Variants in PANK1 observed in about 807,000 individuals in gnomAD.
PANK1 encodes pantothenate kinase 1.
PANK1 carries 18 observed loss-of-function variants against 40.1 expected under a neutral mutation model. That is an observed-to-expected ratio of 0.45 (90% confidence interval 0.31 to 0.67). PANK1 has a LOEUF of 0.67. Among genes scored for constraint, PANK1 ranks in the 30% least tolerant of loss-of-function variants. The probability of loss-of-function intolerance (pLI) is 0.06; values close to 1 mark genes in which losing one functional copy is unlikely to be tolerated. For synonymous variants in PANK1, 242 were observed against 237.7 expected (o/e 1.02, Z -0.17); for missense variants, 457 against 599.6 (o/e 0.76, Z 2.48).
At chr10:89,609,185 C>T (rs1456489140) in intron 2 of PANK1, among the ~76,000 whole-genome samples, 1 of 152,218 alleles carries the variant, frequency 6.6e-6, no homozygotes, top group Non-Finnish European at 1.5e-5. Context: ...GTGCCTCAGC[C>T]TCCTGAGTAG....
At chr10:89,629,648 A>G (rs1460137881) in intron 1 of PANK1, among the ~76,000 whole-genome samples, 1 of 152,246 alleles carries the variant, frequency 6.6e-6, no homozygotes, top group Non-Finnish European at 1.5e-5. Flanking sequence ...TTAATTAATG[A>G]GAACAGTGAT....
At chr10:89,639,090 C>A in intron 1 of PANK1, 1 of 337,244 alleles carries the variant, frequency 3.0e-6, no homozygotes. Flanking sequence ...GTTTGTGTTG[C>A]TATAATAGAA....
intron 1 of PANK1, among the ~76,000 whole-genome samples, chr10:89,622,103 A>G (rs7913346): frequency 0.69 from 104,376 of 152,126 alleles, 35,996 homozygotes; most frequent in South Asian, 0.84. Flanking sequence ...AATCATATGC[A>G]AAGACCTCCA....
rs1554843177 is a variant in PANK1, at chr10:89,636,343, T to TTATTATTATTA, written c.292+8256_292+8257insTAATAATAATA. Among the ~76,000 whole-genome samples, 189 of 149,002 alleles carry TTATTATTATTA rather than the reference T, an allele frequency of 1.3e-3. 1 individual carries two copies. The highest frequency in any genetic ancestry group is 2.1e-3 in the African/African-American group (85 of 40,822). On this transcript the variant is annotated intron_variant, in intron 1 of 6. Transcript: ENST00000307534. ...TATTATTATTATTATTATTATTATT[T>TTATTATTATTA]TTAATTTTTATTTTTTTTGAGATGG...
chr10:89,617,639 T>G (rs1403631680), intron 1 of PANK1, among the ~76,000 whole-genome samples: 2 of 152,214 alleles, frequency 1.3e-5, no homozygotes, highest in Non-Finnish European at 2.9e-5. Flanking sequence ...AAGATACAGT[T>G]GACACTGTGG....
rs551117804 is a variant in PANK1, at chr10:89,629,894, A to G, written c.292+14706T>C. Among the ~76,000 whole-genome samples, 35 of 152,360 alleles carry G rather than the reference A, an allele frequency of 2.3e-4. No individual in the cohort carries two copies. The South Asian group carries it at 7.0e-3, about 31-fold the overall frequency. ...TGAAAAGATTTACTGAAAATGTTTC[A>G]GCTTCTTGCTGAATACTAAAAATAC... On this transcript the variant is annotated intron_variant, in intron 1 of 6. Coordinates refer to ENST00000307534, the MANE Select transcript of PANK1 (RefSeq NM_148977.3).
At chr10:89,591,246 C>CAA (rs149430971) in intron 5 of PANK1, among the ~76,000 whole-genome samples, 2 of 151,548 alleles carry the variant, frequency 1.3e-5, no homozygotes, top group African/African-American at 2.4e-5. Context: ...TAAAAACAAA[C>CAA]AAAAAAACCC....
chr10:89,623,338 T>C (rs1564632841), intron 1 of PANK1, among the ~76,000 whole-genome samples: 4 of 152,118 alleles, frequency 2.6e-5, no homozygotes, highest in East Asian at 1.9e-4. Context: ...TCTCCTGCCT[T>C]AGCCTCCCGA....
intron 1 of PANK1, among the ~76,000 whole-genome samples, chr10:89,634,466 G>C (rs1841746507): frequency 6.6e-6 from 1 of 152,192 alleles, no homozygotes; most frequent in South Asian, 2.1e-4. Context: ...CTGAAGGCAA[G>C]CACCTGGAAA....
intron 1 of PANK1, among the ~76,000 whole-genome samples, chr10:89,623,658 G>A (rs1208791698): frequency 1.3e-5 from 2 of 152,100 alleles, no homozygotes; most frequent in African/African-American, 4.8e-5. Flanking sequence ...ACAGATAGCA[G>A]GTCTGTGGTC....
At chr10:89,637,434 C>A (rs901452642) in intron 1 of PANK1, among the ~76,000 whole-genome samples, 12 of 152,200 alleles carry the variant, frequency 7.9e-5, no homozygotes, top group African/African-American at 2.9e-4. Flanking sequence ...ATATGGTAAA[C>A]CCTATTGTTC....
At chr10:89,643,437 AT>A (rs1161743965) in intron 1 of PANK1, among the ~76,000 whole-genome samples, 1 of 152,210 alleles carries the variant, frequency 6.6e-6, no homozygotes, top group East Asian at 1.9e-4. Flanking sequence ...TAACCTACAA[AT>A]TTAACATTTC....
In PANK1 at chr10:89,645,087, C is replaced by T. The variant is rs765130264; in HGVS notation, c.-196G>A. The T allele has an allele frequency of 2.0e-6, 3 of 1,501,294 alleles. No individual in the cohort carries two copies. Among genetic ancestry groups the T allele is most frequent in the South Asian group, 2.6e-5 (2 of 76,914 alleles). The allele number at this position is 1,501,294 out of a possible 1,614,324, so 93.0% of individuals were successfully genotyped here. ...CCCCCACCTCCTCTGCGCCCTGCCC[C>T]CCGCGCGCCGGCCCCACGGCGCCGG... On this transcript the variant is annotated 5_prime_UTR_variant, in exon 1 of 7. Coordinates refer to ENST00000307534, the MANE Select transcript of PANK1 (RefSeq NM_148977.3).
chr10:89,592,728 C>T, intron 5 of PANK1: 1 of 534,796 alleles, frequency 1.9e-6, no homozygotes, highest in Non-Finnish European at 3.8e-6. Context: ...CTCTGGCTGG[C>T]CTTGGCTGTA....
At chr10:89,615,433 T>C (rs1845289246) in intron 1 of PANK1, among the ~76,000 whole-genome samples, 1 of 152,254 alleles carries the variant, frequency 6.6e-6, no homozygotes, top group East Asian at 1.9e-4. Flanking sequence ...CCTGGTTCCT[T>C]CCTCCTGCTT....
At chr10:89,643,662 A>G in intron 1 of PANK1, 1 of 1,516,964 alleles carries the variant, frequency 6.6e-7, no homozygotes, top group East Asian at 2.3e-5. Context: ...ACCTCTATGC[A>G]AATGCAGTCA....
intron 2 of PANK1, 29 bp from the exon 3 acceptor site, chr10:89,599,534 C>T (rs759708523): frequency 1.3e-6 from 2 of 1,596,950 alleles, no homozygotes; most frequent in Non-Finnish European, 1.7e-6. Context: ...CAAAATAAAA[C>T]CTTGTGAGAT....
chr10:89,645,035 G>C lies in PANK1; in HGVS notation c.-144C>G, dbSNP rs756401138. Reference sequence around the variant, plus strand: ...GCCGGCGCCTGGGGATGGCGAACCCGGCGCTCCTCCCCTCCTCCTGCCGAC... The same window carrying C: ...GCCGGCGCCTGGGGATGGCGAACCCCGCGCTCCTCCCCTCCTCCTGCCGAC... On this transcript the variant is annotated 5_prime_UTR_variant, in exon 1 of 7. Transcript: ENST00000307534. The C allele has an allele frequency of 6.4e-7, 1 of 1,565,686 alleles. No individual in the cohort carries two copies. The highest frequency in any genetic ancestry group is 8.6e-7 in the Non-Finnish European group (1 of 1,160,102).
chr10:89,590,530 C>T (rs1034177432), intron 5 of PANK1, among the ~76,000 whole-genome samples: 1 of 152,116 alleles, frequency 6.6e-6, no homozygotes, highest in South Asian at 2.1e-4. Context: ...GATGACTCAG[C>T]AAGTTCCCTT....
Sources: allele counts gnomAD v4.1 joint callset (sites outside exome capture counted in the v4.1 genomes callset), GRCh38; gene constraint gnomAD v4.1.1; transcripts MANE v1.5; gene names NCBI Gene and HGNC (gene_info 2026-07-23, HGNC 2026-07-21).